Variants in BRD1 observed in about 807,000 individuals in gnomAD.
The protein encoded by BRD1 is bromodomain containing 1.
Under a neutral mutation model 107.7 loss-of-function variants are expected in BRD1, and 24 were observed. That is an observed-to-expected ratio of 0.22 (90% confidence interval 0.16 to 0.31). The LOEUF is 0.31. Ranked by LOEUF, BRD1 falls within the 10% of genes least tolerant of loss-of-function variation. BRD1 has a pLI of 1.00. For missense variants in BRD1, 1,279 were observed against 1,638.6 expected (o/e 0.78, Z 3.79); for synonymous variants, 744 against 686.1 (o/e 1.08, Z -1.32).
intron 8 of BRD1, 75 bp downstream of exon 8, chr22:49,787,315 C>T (rs1316024168): frequency 2.4e-6 from 2 of 834,912 alleles, no homozygotes; most frequent in Non-Finnish European, 3.4e-6. Context: ...CCCCCCCCGT[C>T]ACACCAATGA....
chr22:49,787,502 C>A lies in BRD1; in HGVS notation c.2745G>T (p.Leu915Phe), dbSNP rs2059353235. ...TSPQLGTKTF[L>F]SVVLPRLETL... ...TCTCCAACCTCGGAAGGACTACAGA[C>A]AAAAAGGTTTTGGTCCCTAGCTGAG... Residue 915 changes from leucine (L) to phenylalanine (F), a missense_variant, in exon 8 of 13, where the codon TTG (leucine) becomes TTT (phenylalanine). By Grantham distance (22) the Leu-to-Phe change is conservative. Around this residue, in one of 7 missense-constraint regions of BRD1, gnomAD observed 263 missense variants for 251.6 expected, o/e 1.05. Coordinates refer to ENST00000404760, the MANE Select transcript of BRD1 (RefSeq NM_001304808.3). The A allele has an allele frequency of 6.2e-7, 1 of 1,613,994 alleles. No homozygotes were observed. The highest frequency in any genetic ancestry group is 1.3e-5 in the African/African-American group (1 of 74,944).
At chr22:49,791,252 C>A (rs1316743528) in intron 7 of BRD1, among the ~76,000 whole-genome samples, 2 of 152,232 alleles carry the variant, frequency 1.3e-5, no homozygotes, top group Non-Finnish European at 2.9e-5. Flanking sequence ...TGAGTCGCGG[C>A]TACGGCAGAG....
chr22:49,821,523 T>C (rs987971619), intron 2 of BRD1, among the ~76,000 whole-genome samples: 9 of 152,244 alleles, frequency 5.9e-5, no homozygotes. Flanking sequence ...TGACTAATTA[T>C]CTGAGTATTT....
chr22:49,775,821 CCCCGCCT>C, intron 11 of BRD1, 76 bp from the exon 12 acceptor site: 6 of 1,350,996 alleles, frequency 4.4e-6, no homozygotes, highest in Non-Finnish European at 5.8e-6. Context: ...TGGCACCCCC[CCCCGCCT>C]CCCCACCCCA....
intron 6 of BRD1, among the ~76,000 whole-genome samples, chr22:49,796,096 C>CT (rs60893505): frequency 0.012 from 1,698 of 144,502 alleles, 16 homozygotes; most frequent in Non-Finnish European, 0.017. Context: ...ATTGTGTTTT[C>CT]TTTTTTTTTT....
At chr22:49,813,827 T>TA (rs753339123) in intron 2 of BRD1, among the ~76,000 whole-genome samples, 238 of 141,072 alleles carry the variant, frequency 1.7e-3, no homozygotes, top group Non-Finnish European at 2.1e-3. Context: ...AGACTCCATT[T>TA]AAAAAAAAAA....
intron 8 of BRD1, 81 bp downstream of exon 8, chr22:49,787,309 C>CCG (rs2059347491): frequency 8.8e-7 from 1 of 1,138,334 alleles, no homozygotes; most frequent in East Asian, 3.4e-5. Context: ...ACCCCCCCCC[C>CCG]CCCGTCACAC....
Position 49,774,234 on chromosome 22 carries a change from C to T in BRD1, c.3569G>A (p.Ter1190=). 6.2e-7 allele frequency: 1 copy of T among 1,612,078 alleles called. No individual in the cohort carries two copies. Among genetic ancestry groups the T allele is most frequent in the Non-Finnish European group, 8.5e-7 (1 of 1,178,690 alleles). Residue 1190 remains the stop codon, a stop_retained_variant, in exon 13 of 13, where the codon TGA becomes TAA. Transcript: ENST00000404760. ...AGACCCGCGCTGGCGGCCGGGCCGTCAGTCAATGTCACTGAGGTCGCTGGT... is the reference window on the plus strand; with the variant it reads ...AGACCCGCGCTGGCGGCCGGGCCGTTAGTCAATGTCACTGAGGTCGCTGGT... ...EPTSDLSDID[*] is the part of the protein sequence containing the mutation.
chr22:49,819,474 G>T (rs1163272134), intron 2 of BRD1, among the ~76,000 whole-genome samples: 1 of 152,062 alleles, frequency 6.6e-6, no homozygotes, highest in Non-Finnish European at 1.5e-5. Flanking sequence ...AGTCGCTTGA[G>T]CCCAGGAGGT....
chr22:49,799,066 C>A lies in BRD1; in HGVS notation c.1578G>T (p.Gln526His). 1 of 1,611,136 alleles carries A rather than the reference C, an allele frequency of 6.2e-7. No individual in the cohort carries two copies. ...KAAKEKLKYW[Q>H]RLRHDLERAR... is the part of the protein sequence containing the mutation. ...CGCGCTCCAGGTCGTGCCGCAGCCG[C>A]TGCCAGTACTTCAGCTTCTCTTTGG... The change falls in exon 4 of 13, where the codon CAG (glutamine) becomes CAT (histidine). Residue 526 changes from glutamine (Q) to histidine (H), a missense_variant. Physicochemically the swap from Gln to His is conservative, Grantham distance 24. Coordinates refer to ENST00000404760, the MANE Select transcript of BRD1 (RefSeq NM_001304808.3).
chr22:49,804,009 ACCC>A (rs562039127), intron 3 of BRD1, among the ~76,000 whole-genome samples, 192 bp downstream of exon 3: 174 of 151,886 alleles, frequency 1.1e-3, no homozygotes, highest in African/African-American at 4.2e-3. Flanking sequence ...GATGAGAATC[ACCC>A]CCCGAGTCGC....
At chr22:49,809,315 G>A (rs1371556500) in intron 2 of BRD1, among the ~76,000 whole-genome samples, 1 of 152,064 alleles carries the variant, frequency 6.6e-6, no homozygotes, top group African/African-American at 2.4e-5. Context: ...GCCGAAGCAG[G>A]TGGATCATGA....
chr22:49,822,688 C>A (rs12485055), intron 2 of BRD1, among the ~76,000 whole-genome samples: 14,040 of 151,714 alleles, frequency 0.093, 849 homozygotes, highest in Non-Finnish European at 0.13. Context: ...CCAGCCTGGG[C>A]GACAGAGTAA....
chr22:49,775,947 G>A, intron 11 of BRD1, 103 bp downstream of exon 11: 1 of 1,105,766 alleles, frequency 9.0e-7, no homozygotes, highest in Non-Finnish European at 1.2e-6. Context: ...CGCCAGCTGT[G>A]GAACCTCCTT....
chr22:49,790,655 C>T (rs1349731106), intron 7 of BRD1, among the ~76,000 whole-genome samples: 1 of 152,256 alleles, frequency 6.6e-6, no homozygotes, highest in African/African-American at 2.4e-5. Flanking sequence ...AGCCACAAGA[C>T]GCTTTGGAAA....
chr22:49,779,788 C>T (rs1477225083), intron 8 of BRD1, among the ~76,000 whole-genome samples: 1 of 152,032 alleles, frequency 6.6e-6, no homozygotes, highest in Non-Finnish European at 1.5e-5. Flanking sequence ...CATCCCTACT[C>T]CAACCTGAGT....
Position 49,818,326 on chromosome 22 carries a change from G to A in BRD1, c.1367+4625C>T, listed in dbSNP as rs193177280. The A allele has an allele frequency of 7.8e-5, 99 of 1,273,668 alleles. No individual in the cohort carries two copies. The East Asian group carries it at 4.7e-3, about 60-fold the overall frequency. The allele number at this position is 1,273,668 out of a possible 1,614,324, so 78.9% of individuals were successfully genotyped here. On this transcript the variant is annotated intron_variant, in intron 2 of 12. Coordinates refer to ENST00000404760, the MANE Select transcript of BRD1 (RefSeq NM_001304808.3). ...CAAAGGAACCAAACCGACACAGGCC[G>A]TCTGCCTGCTGATCACAGTCTCTTT...
intron 8 of BRD1, among the ~76,000 whole-genome samples, chr22:49,781,774 C>T (rs555447305): frequency 2.0e-5 from 3 of 152,414 alleles, no homozygotes; most frequent in Non-Finnish European, 4.4e-5. Flanking sequence ...TTCAGTTTCA[C>T]TTTTACCATC....
Position 49,774,090 on chromosome 22 carries a change from T to G in BRD1, c.*143A>C. On this transcript the variant is annotated 3_prime_UTR_variant, in exon 13 of 13. Coordinates refer to ENST00000404760, the MANE Select transcript of BRD1 (RefSeq NM_001304808.3). ...GACGGAGATGGGTTCCTAGAAAACT[T>G]GGAAATAAAACCTCCCCCCTCCCCG... The G allele has an allele frequency of 8.3e-7, 1 of 1,201,154 alleles. No individual in the cohort carries two copies. Among genetic ancestry groups the G allele is most frequent in the South Asian group, 1.8e-5 (1 of 56,364 alleles). The allele number at this position is 1,201,154 out of a possible 1,614,324, so 74.4% of individuals were successfully genotyped here.
Sources: allele counts gnomAD v4.1 joint callset (sites outside exome capture counted in the v4.1 genomes callset), GRCh38; gene constraint gnomAD v4.1.1; regional missense constraint gnomAD v4.1.1; transcripts MANE v1.5; gene names NCBI Gene and HGNC (gene_info 2026-07-23, HGNC 2026-07-21).